The following OPCML variants were observed in gnomAD, a reference collection of about 807,000 sequenced individuals.
The protein encoded by OPCML is opioid-binding protein/cell adhesion molecule.
In OPCML, 13 loss-of-function variants were observed where a neutral mutation model predicts 37.8. The observed-to-expected ratio is 0.34, with a 90% CI of 0.22 to 0.55. The LOEUF is 0.55. OPCML is among the 20% of genes least tolerant of loss of function. The pLI is 0.91. For synonymous variants in OPCML, 176 were observed against 168.8 expected, an observed-to-expected ratio of 1.04 and a Z score of -0.33; for missense variants, 341 against 435.6, an observed-to-expected ratio of 0.78 and a Z score of 1.93.
chr11:133,527,908 G>A (rs1363311047), intron 1 of OPCML, among the ~76,000 whole-genome samples: 1 of 152,214 alleles, frequency 6.6e-6, no homozygotes, highest in Non-Finnish European at 1.5e-5. Flanking sequence ...GCCCCAGGCA[G>A]CCCTGACACA....
chr11:133,089,761 C>A (rs1245106227), intron 1 of OPCML, among the ~76,000 whole-genome samples: 1 of 147,824 alleles, frequency 6.8e-6, no homozygotes, highest in Non-Finnish European at 1.5e-5. Flanking sequence ...CTTCAACCAA[C>A]CCCTAAAAAA....
intron 1 of OPCML, among the ~76,000 whole-genome samples, chr11:133,481,155 C>A (rs1440996334): frequency 6.6e-6 from 1 of 152,112 alleles, no homozygotes; most frequent in African/African-American, 2.4e-5. Flanking sequence ...AATTTGGGAC[C>A]AGGATTTCAT....
intron 1 of OPCML, among the ~76,000 whole-genome samples, chr11:133,221,519 G>A (rs1939829427): frequency 1.3e-5 from 2 of 152,158 alleles, no homozygotes; most frequent in Non-Finnish European, 2.9e-5. Context: ...GTCCATGGTG[G>A]GGGGTATTCG....
intron 1 of OPCML, among the ~76,000 whole-genome samples, chr11:133,038,091 A>T (rs1947814610): frequency 6.6e-6 from 1 of 152,208 alleles, no homozygotes; most frequent in African/African-American, 2.4e-5. Context: ...TATCTCTACA[A>T]GTAGGGTGGT....
At chr11:133,070,139 A>C (rs1331893652) in intron 1 of OPCML, among the ~76,000 whole-genome samples, 2 of 152,210 alleles carry the variant, frequency 1.3e-5, no homozygotes, top group African/African-American at 4.8e-5. Context: ...GATTTAGGAT[A>C]TATTACCTCG....
chr11:132,974,308 T>C (rs1238374336), intron 1 of OPCML, among the ~76,000 whole-genome samples: 1 of 152,194 alleles, frequency 6.6e-6, no homozygotes, highest in Non-Finnish European at 1.5e-5. Flanking sequence ...TCCAAAATGT[T>C]CGCTTCCATT....
chr11:133,345,332 C>T (rs146494979), intron 1 of OPCML, among the ~76,000 whole-genome samples: 9 of 152,264 alleles, frequency 5.9e-5, no homozygotes, highest in African/African-American at 9.6e-5. Context: ...TTTAGAAAAA[C>T]CTGGATTAAG....
chr11:133,004,555 C>T, intron 1 of OPCML: 2 of 985,472 alleles, frequency 2.0e-6, no homozygotes, highest in South Asian at 9.4e-5. Context: ...CGTCCTGACA[C>T]TGCCTGCCAA....
chr11:132,476,787 A>G (rs1052067500), intron 4 of OPCML, among the ~76,000 whole-genome samples: 7 of 152,054 alleles, frequency 4.6e-5, no homozygotes, highest in Admixed American at 3.9e-4. Context: ...ACATGTATAC[A>G]TATGTAACAA....
At chr11:132,609,686 C>A (rs142631306) in intron 3 of OPCML, among the ~76,000 whole-genome samples, 150 of 152,270 alleles carry the variant, frequency 9.9e-4, no homozygotes, top group African/African-American at 3.4e-3. Flanking sequence ...GTTCCTTGGG[C>A]AAAGTTCATT....
chr11:132,515,468 A>T (rs2096277608), intron 4 of OPCML, among the ~76,000 whole-genome samples: 1 of 152,168 alleles, frequency 6.6e-6, no homozygotes. Context: ...ACTCAACCCC[A>T]GTCCTTGTTA....
intron 4 of OPCML, among the ~76,000 whole-genome samples, chr11:132,486,442 G>GT (rs1555136896): frequency 3.3e-5 from 5 of 151,670 alleles, no homozygotes; most frequent in Non-Finnish European, 7.4e-5. Flanking sequence ...CTTCAGAACA[G>GT]TTTTTTTTAA....
intron 4 of OPCML, among the ~76,000 whole-genome samples, chr11:132,442,793 G>T (rs1198681600): frequency 6.6e-6 from 1 of 152,160 alleles, no homozygotes; most frequent in African/African-American, 2.4e-5. Context: ...TGCCATGTAA[G>T]ATGTCCCTTG....
intron 2 of OPCML, among the ~76,000 whole-genome samples, chr11:132,866,355 G>T (rs1051203895): frequency 2.0e-5 from 3 of 152,208 alleles, no homozygotes; most frequent in South Asian, 4.1e-4. Context: ...AATGCTACTT[G>T]TGATCCTATT....
chr11:133,250,395 A>C (rs1302537232), intron 1 of OPCML, among the ~76,000 whole-genome samples: 1 of 151,660 alleles, frequency 6.6e-6, no homozygotes, highest in Non-Finnish European at 1.5e-5. Flanking sequence ...GAAGGAAGAA[A>C]GAAGGAAAGA....
At chr11:132,583,472 A>T (rs983179804) in intron 3 of OPCML, among the ~76,000 whole-genome samples, 2 of 151,062 alleles carry the variant, frequency 1.3e-5, no homozygotes, top group Non-Finnish European at 3.0e-5. Flanking sequence ...CTAACTTTTT[A>T]TTTTTTTTAT....
At chr11:132,881,803 C>T (rs1943234897) in intron 2 of OPCML, among the ~76,000 whole-genome samples, 1 of 152,258 alleles carries the variant, frequency 6.6e-6, no homozygotes, top group Admixed American at 6.5e-5. Context: ...ATTTGTAGTG[C>T]TGAAAAGTTG....
intron 1 of OPCML, among the ~76,000 whole-genome samples, chr11:133,063,053 G>A (rs148107632): frequency 1.4e-4 from 22 of 152,324 alleles, no homozygotes; most frequent in Non-Finnish European, 2.8e-4. Context: ...GAGTTTTCCC[G>A]TTGTATTCCA....
At chr11:132,628,406 T>C (rs1049747165) in intron 3 of OPCML, among the ~76,000 whole-genome samples, 3 of 152,218 alleles carry the variant, frequency 2.0e-5, no homozygotes, top group Non-Finnish European at 4.4e-5. Context: ...ATGTGTGTGA[T>C]TCCTGTCTTT....
Sources: gnomAD v4.1 joint callset for allele counts (sites outside exome capture counted in the v4.1 genomes callset) on GRCh38, gnomAD v4.1.1 for gene constraint, MANE v1.5 for transcripts, NCBI Gene and HGNC (gene_info 2026-07-23, HGNC 2026-07-21) for gene names.